F5: variants seen among roughly 807,000 people sequenced by gnomAD.
The protein encoded by F5 is activated protein c cofactor.
F5 carries 138 observed loss-of-function variants against 216.4 expected under a neutral mutation model. The observed-to-expected ratio is 0.64, with a 90% CI of 0.56 to 0.73. F5 has a LOEUF of 0.73. F5 is among the 30% of genes least tolerant of loss of function. F5 has a pLI of 0.00. For missense variants in F5, 2,403 were observed against 2,674.0 expected, an observed-to-expected ratio of 0.90 and a Z score of 2.24; for synonymous variants, 916 against 930.7, an observed-to-expected ratio of 0.98 and a Z score of 0.29.
At chr1:169,573,469 A>G (rs1660775559) in intron 2 of F5, among the ~76,000 whole-genome samples, 1 of 152,172 alleles carries the variant, frequency 6.6e-6, no homozygotes, top group African/African-American at 2.4e-5. Context: ...CGTGATGAGT[A>G]GTGGTTGGAG....
chr1:169,525,885 A>G lies in F5; in HGVS notation c.5716+16T>C, dbSNP rs1178746414. On this transcript the variant is annotated intron_variant, in intron 18 of 24. Transcript: ENST00000367797. ...ACTCTCCTGCCAAACCAAATATCAC[A>G]TGGCTCTTGTGATACCTCTGTCCAT... is the stretch of plus-strand genomic sequence containing the variant. 18 of 1,572,752 alleles carry G rather than the reference A, an allele frequency of 1.1e-5. No individual in the cohort carries two copies. The highest frequency in any genetic ancestry group is 1.6e-5 in the Non-Finnish European group (18 of 1,143,048).
Position 169,541,554 on chromosome 1 carries a change from T to A in F5, c.3536A>T (p.His1179Leu), listed in dbSNP as rs201388299. The change falls in exon 13 of 25, where the codon CAT (histidine) becomes CTT (leucine). Residue 1179 changes from histidine (H) to leucine (L), a missense_variant. Physicochemically the swap from His to Leu is moderately conservative, Grantham distance 99. Transcript: ENST00000367797. The part of the protein sequence containing the change: ...DISQMSPSSE[H>L]EVWQTVISPD... ...AGAGATGACTGTCTGCCAGACTTCATGTTCTGAGGAAGGGGACATTTGACT... is the reference window on the plus strand; with the variant it reads ...AGAGATGACTGTCTGCCAGACTTCAAGTTCTGAGGAAGGGGACATTTGACT... 1.7e-5 allele frequency: 28 copies of A among 1,613,950 alleles called. No individual in the cohort carries two copies. The highest frequency in any genetic ancestry group is 2.4e-5 in the Non-Finnish European group (28 of 1,180,020).
At chr1:169,550,837 G>A in intron 8 of F5, 98 bp from the exon 9 acceptor site, 1 of 844,500 alleles carries the variant, frequency 1.2e-6, no homozygotes, top group Non-Finnish European at 2.0e-6. Flanking sequence ...GATGGTGTGT[G>A]TGTATACATG....
chr1:169,562,580 G>A (rs1660507370), intron 3 of F5, among the ~76,000 whole-genome samples: 1 of 151,670 alleles, frequency 6.6e-6, no homozygotes, highest in Non-Finnish European at 1.5e-5. Flanking sequence ...TTTGGATTGA[G>A]TATAGTTAGT....
chr1:169,514,413 A>G lies in F5; in HGVS notation c.6575T>C (p.Phe2192Ser), dbSNP rs776991007. Residue 2192 changes from phenylalanine (F) to serine (S), a missense_variant, in exon 25 of 25, where the codon TTC (phenylalanine) becomes TCC (serine). Around this residue, in one of 4 missense-constraint regions of F5, gnomAD observed 659 missense variants for 787.9 expected, o/e 0.84. Transcript: ENST00000367797. Reference protein sequence around the residue: ...TNTKGHVKNFFNPPIISRFIR... With the variant: ...TNTKGHVKNFSNPPIISRFIR... ...AAACCTGGAAATGATTGGGGGGTTG[A>G]AAAAGTTCTTCACATGTCCTTTGGT... 1 of 1,613,304 alleles carries G rather than the reference A, an allele frequency of 6.2e-7. No individual in the cohort carries two copies. The highest frequency in any genetic ancestry group is 2.2e-5 in the East Asian group (1 of 44,852).
At chr1:169,529,846 C>T (rs774738347) in intron 15 of F5, 28 bp from the exon 16 acceptor site, 4 of 1,581,526 alleles carry the variant, frequency 2.5e-6, no homozygotes, top group Non-Finnish European at 8.7e-7. Flanking sequence ...ATTGTATTGC[C>T]TCTTTCTCAG....
chr1:169,546,397 C>T (rs1329174675), intron 11 of F5, 45 bp downstream of exon 11: 1 of 1,611,892 alleles, frequency 6.2e-7, no homozygotes, highest in Non-Finnish European at 8.5e-7. Flanking sequence ...ATATTTCAAC[C>T]ACAGGAATGA....
At position 169,514,270 on chromosome 1, in the gene F5, A is replaced by C. The variant is rs750569966; in HGVS notation, c.*43T>G. 1.3e-6 allele frequency: 2 copies of C among 1,594,012 alleles called. No individual in the cohort carries two copies. The highest frequency in any genetic ancestry group is 1.7e-5 in the Admixed American group (1 of 59,840). On this transcript the variant is annotated 3_prime_UTR_variant, in exon 25 of 25. Transcript: ENST00000367797. The stretch of plus-strand genomic sequence containing the variant: ...TACATTGCCCATTCTAAATGGTTTG[A>C]GGTCTTAAAGAGTCTCTTCCAGGGG...
chr1:169,527,055 C>T (rs895836345), intron 17 of F5, among the ~76,000 whole-genome samples: 3 of 152,082 alleles, frequency 2.0e-5, no homozygotes, highest in Non-Finnish European at 4.4e-5. Flanking sequence ...ACCCAAAGTG[C>T]TGTCGAGGGG....
In F5 at chr1:169,562,557, C is replaced by G. The variant is rs538209092; in HGVS notation, c.374-1791G>C. Reference sequence around the variant, plus strand: ...CTGGTCTTTATTCCTTTTCCCCTTCCTTTCTGTTTTCTTTTGGATTGAGTA... The same window carrying G: ...CTGGTCTTTATTCCTTTTCCCCTTCGTTTCTGTTTTCTTTTGGATTGAGTA... On this transcript the variant is annotated intron_variant, in intron 3 of 24. Transcript: ENST00000367797. 6.0e-4 allele frequency among the ~76,000 whole-genome samples: 91 copies of G among 151,652 alleles called. 1 individual carries two copies. The South Asian group carries it at 0.019, about 31-fold the overall frequency.
At chr1:169,583,465 C>T (rs1661032886) in intron 1 of F5, among the ~76,000 whole-genome samples, 1 of 152,178 alleles carries the variant, frequency 6.6e-6, no homozygotes, top group African/African-American at 2.4e-5. Context: ...TATCTCTGGA[C>T]TTGAAGCCTA....
Position 169,542,575 on chromosome 1 carries a change from G to T in F5, c.2515C>A (p.Pro839Thr). ...ATCCCTGTGACATCTGGCTGTAGAGGATCCTCTATAGGGTCTTCAGAATAT... is the reference window on the plus strand; with the variant it reads ...ATCCCTGTGACATCTGGCTGTAGAGTATCCTCTATAGGGTCTTCAGAATAT... ...SPYSEDPIED[P>T]LQPDVTGIRL... The change falls in exon 13 of 25, where the codon CCT (proline) becomes ACT (threonine). Residue 839 changes from proline (P) to threonine (T), a missense_variant. By Grantham distance (38) the Pro-to-Thr change is conservative (BLOSUM62 -1). Around this residue, in one of 4 missense-constraint regions of F5, gnomAD observed 1,425 missense variants for 1,554.8 expected, o/e 0.92. Transcript: ENST00000367797. 2 of 1,614,040 alleles carry T rather than the reference G, an allele frequency of 1.2e-6. No individual in the cohort carries two copies. Among genetic ancestry groups the T allele is most frequent in the Non-Finnish European group, 1.7e-6 (2 of 1,179,984 alleles).
chr1:169,571,342 T>TA (rs1353378186), intron 3 of F5, among the ~76,000 whole-genome samples: 2 of 152,164 alleles, frequency 1.3e-5, no homozygotes, highest in African/African-American at 4.8e-5. Flanking sequence ...TTTAGTACTC[T>TA]ACCTAAGTGA....
In F5 at chr1:169,541,637, T is replaced by C. The variant is rs1242801911; in HGVS notation, c.3453A>G (p.Pro1151=). 2 of 1,614,012 alleles carry C rather than the reference T, an allele frequency of 1.2e-6. No homozygotes were observed. Among genetic ancestry groups the C allele is most frequent in the Non-Finnish European group, 1.7e-6 (2 of 1,180,000 alleles). ...CATACTCAAGCATTTCACTGAGCTC[T>C]GGAGAAGAGGATCTGTGACTGGGGT... The part of the protein sequence containing the change: ...TSDPSHRSSS[P]ELSEMLEYDR... Residue 1151 remains proline (P), a synonymous_variant, in exon 13 of 25, where the codon CCA becomes CCG. Transcript: ENST00000367797.
chr1:169,566,945 A>G (rs958523573), intron 3 of F5, among the ~76,000 whole-genome samples: 2 of 151,960 alleles, frequency 1.3e-5, no homozygotes, highest in African/African-American at 2.4e-5. Context: ...CTGGTAACAC[A>G]TGTGAGTAAG....
intron 2 of F5, among the ~76,000 whole-genome samples, chr1:169,581,914 T>A (rs988191236): frequency 1.3e-5 from 2 of 152,090 alleles, no homozygotes; most frequent in African/African-American, 4.8e-5. Context: ...GGGAGCCAAA[T>A]GGAAGCAAAA....
chr1:169,524,398 C>A (rs1234432852), intron 19 of F5, among the ~76,000 whole-genome samples: 1 of 152,130 alleles, frequency 6.6e-6, no homozygotes, highest in Non-Finnish European at 1.5e-5. Flanking sequence ...CTGATAAGAC[C>A]CTGTGAATCT....
chr1:169,515,468 C>G lies in F5; in HGVS notation c.6504G>C (p.Arg2168Ser). Residue 2168 changes from arginine (R) to serine (S), a missense_variant, in exon 24 of 25, where the codon AGG (arginine) becomes AGC (serine). Transcript: ENST00000367797. ...CCTTGTCCACCATGGAGGATTTCAGCCTGTATGGTTTCCATTCCACTCCCT... is the reference window on the plus strand; with the variant it reads ...CCTTGTCCACCATGGAGGATTTCAGGCTGTATGGTTTCCATTCCACTCCCT... ...SEQGVEWKPYRLKSSMVDKIF... is the reference protein window; with the variant it reads ...SEQGVEWKPYSLKSSMVDKIF... 6.2e-7 allele frequency: 1 copy of G among 1,613,426 alleles called. No individual in the cohort carries two copies. Among genetic ancestry groups the G allele is most frequent in the Admixed American group, 1.7e-5 (1 of 59,988 alleles).
chr1:169,556,706 T>C lies in F5; in HGVS notation c.892A>G (p.Met298Val), dbSNP rs1226230656. ...CACTTTCCCTCTGGGCCCACAGTCA[T>C]ATTTGCGGTAGTGGATGTAGCACTG... ...LVSATSTTAN[M>V]TVGPEGKWII... is the part of the protein sequence containing the mutation. Residue 298 changes from methionine to valine, a missense_variant, in exon 6 of 25, where the codon ATG becomes GTG. Coordinates refer to ENST00000367797, the MANE Select transcript of F5 (RefSeq NM_000130.5). 1.9e-6 allele frequency: 3 copies of C among 1,613,956 alleles called. No homozygotes were observed. Among genetic ancestry groups the C allele is most frequent in the Admixed American group, 1.7e-5 (1 of 59,980 alleles).
Sources: allele counts gnomAD v4.1 joint callset (sites outside exome capture counted in the v4.1 genomes callset), GRCh38; gene constraint gnomAD v4.1.1; regional missense constraint gnomAD v4.1.1; transcripts MANE v1.5; gene names NCBI Gene and HGNC (gene_info 2026-07-23, HGNC 2026-07-21).